Variants in STING1 observed in about 807,000 individuals in gnomAD.
STING1 encodes the protein stimulator of interferon response cGAMP interactor 1, also known as stimulator of interferon genes protein.
A neutral mutation model predicts 31.6 loss-of-function variants in STING1; 19 were observed. The ratio of observed to expected loss-of-function variants is 0.60; its 90% confidence interval spans 0.42 to 0.88. STING1 has a LOEUF of 0.88. STING1 is among the 40% of genes least tolerant of loss of function. The pLI, the probability that STING1 is intolerant of heterozygous loss-of-function variation, is 0.00. For synonymous variants in STING1, 200 were observed against 208.6 expected (o/e 0.96, Z 0.35); for missense variants, 371 against 483.7 (o/e 0.77, Z 2.19).
intron 5 of STING1, 37 bp from the exon 6 acceptor site, chr5:139,478,545 C>T: frequency 6.4e-7 from 1 of 1,574,590 alleles, no homozygotes; most frequent in Non-Finnish European, 8.7e-7. Context: ...TTCCTGCTAA[C>T]CCTATCTCCC....
chr5:139,480,067 G>A (rs116583357), intron 5 of STING1, among the ~76,000 whole-genome samples: 3,514 of 151,024 alleles, frequency 0.023, 58 homozygotes, highest in Non-Finnish European at 0.032. Flanking sequence ...TTGTTATCTC[G>A]GCACTTTGGG....
intron 5 of STING1, among the ~76,000 whole-genome samples, chr5:139,480,003 CAAAAA>C (rs552338116): frequency 2.2e-5 from 2 of 89,018 alleles, no homozygotes; most frequent in African/African-American, 3.9e-5. Context: ...GACTTTGTCT[CAAAAA>C]AAAAAAAAAA....
chr5:139,477,560 G>A (rs374122265), intron 6 of STING1, 45 bp from the exon 7 acceptor site: 112 of 1,583,550 alleles, frequency 7.1e-5, no homozygotes, highest in Non-Finnish European at 8.5e-5. Context: ...GGGGCCAGGC[G>A]GATGGAGAAT....
At position 139,478,440 on chromosome 5, in the gene STING1, G is replaced by T. The variant is rs763892914; in HGVS notation, c.589C>A (p.Arg197=). The T allele has an allele frequency of 5.0e-6, 8 of 1,614,170 alleles. No individual in the cohort carries two copies. Among genetic ancestry groups the T allele is most frequent in the South Asian group, 1.1e-5 (1 of 91,088 alleles). ...TCCAATGGGAGGAGAATATACAGCC[G>T]CTGGCTCACTGCACCCCGTAGCAGG... ...NNLLRGAVSQ[R]LYILLPLDCG... The change falls in exon 6 of 8, where the codon CGG becomes AGG. Residue 197 remains arginine, a synonymous_variant. Transcript: ENST00000330794.
At chr5:139,479,597 G>A (rs1751774243) in intron 5 of STING1, among the ~76,000 whole-genome samples, 1 of 151,506 alleles carries the variant, frequency 6.6e-6, no homozygotes, top group African/African-American at 2.4e-5. Context: ...AGCTACTTGG[G>A]AGGCTAAGGC....
intron 5 of STING1, 99 bp from the exon 6 acceptor site, chr5:139,478,607 C>T (rs1751735817): frequency 2.8e-6 from 3 of 1,058,452 alleles, no homozygotes; most frequent in African/African-American, 1.6e-5. Context: ...TGTGTGGGTG[C>T]CAGAGAATGG....
intron 5 of STING1, among the ~76,000 whole-genome samples, chr5:139,479,756 A>C (rs1751779165): frequency 6.8e-6 from 1 of 146,958 alleles, no homozygotes. Context: ...TAATCCCAGC[A>C]CTTTGGGAGG....
Position 139,482,259 on chromosome 5 carries a change from G to C in STING1, c.-50C>G, listed in dbSNP as rs530638220. The C allele has an allele frequency of 6.6e-6, 1 of 152,486 alleles. No individual in the cohort carries two copies. Among genetic ancestry groups the C allele is most frequent in the South Asian group, 2.1e-4 (1 of 4,824 alleles). 9.4% of individuals were successfully genotyped at this position (152,486 alleles called of 1,614,324 possible). The stretch of plus-strand genomic sequence containing the variant: ...CTCTGGATGATGACGAGGAGAGAAG[G>C]CCCGGCGCTACGAGCAGCCAAGGGC... On this transcript the variant is annotated 5_prime_UTR_variant, in exon 2 of 8. Transcript: ENST00000330794.
rs746690249 is a variant in STING1 at position 139,480,815 on chromosome 5, G to T, written c.495C>A (p.Ile165=). ...VAHGLAWSYY[I]GYLRLILPEL... ...CTGGCAGGATCAGCCGCAGATATCC[G>T]ATGTAATATGACCATGCCAGCCCAT... The change falls in exon 5 of 8, where the codon ATC becomes ATA. Residue 165 remains isoleucine, a synonymous_variant. Coordinates refer to ENST00000330794, the MANE Select transcript of STING1 (RefSeq NM_198282.4). 1 of 1,613,642 alleles carries T rather than the reference G, an allele frequency of 6.2e-7. No individual in the cohort carries two copies. The highest frequency in any genetic ancestry group is 8.5e-7 in the Non-Finnish European group (1 of 1,179,558).
At chr5:139,480,983 C>T in intron 4 of STING1, 85 bp from the exon 5 acceptor site, 1 of 1,241,348 alleles carries the variant, frequency 8.1e-7, no homozygotes, top group Non-Finnish European at 1.2e-6. Context: ...TCCCAACCTG[C>T]TCCTGACTTG....
intron 5 of STING1, 68 bp from the exon 6 acceptor site, chr5:139,478,576 C>G (rs556687367): frequency 7.2e-7 from 1 of 1,382,242 alleles, no homozygotes; most frequent in Admixed American, 1.7e-5. Context: ...GGAGTGAGAC[C>G]CAGGTCATTG....
intron 6 of STING1, 61 bp downstream of exon 6, chr5:139,478,209 G>C (rs776620808): frequency 3.8e-6 from 5 of 1,311,942 alleles, no homozygotes; most frequent in Non-Finnish European, 5.4e-6. Flanking sequence ...TGCTTGGCTA[G>C]GGCCCAGGGT....
chr5:139,477,225 G>A, intron 7 of STING1, 104 bp downstream of exon 7: 2 of 1,224,608 alleles, frequency 1.6e-6, no homozygotes, highest in Non-Finnish European at 2.3e-6. Flanking sequence ...GACAGGCCCA[G>A]GGCATGGTGC....
intron 5 of STING1, among the ~76,000 whole-genome samples, chr5:139,480,133 T>C (rs527875387): frequency 1.3e-5 from 2 of 151,634 alleles, no homozygotes; most frequent in South Asian, 2.1e-4. Flanking sequence ...CTGGGTAACA[T>C]AGCAAAACCC....
chr5:139,476,954 T>C (rs1751679768), intron 7 of STING1, among the ~76,000 whole-genome samples: 2 of 151,226 alleles, frequency 1.3e-5, no homozygotes, highest in African/African-American at 4.9e-5. Context: ...TCCACCCTCT[T>C]ACTTTTAAAG....
chr5:139,476,949 C>A (rs1054180391), intron 7 of STING1, among the ~76,000 whole-genome samples: 3 of 151,792 alleles, frequency 2.0e-5, no homozygotes, highest in Admixed American at 2.0e-4. Context: ...GAAATTCCAC[C>A]CTCTTACTTT....
intron 5 of STING1, among the ~76,000 whole-genome samples, chr5:139,479,561 G>A (rs1051524834): frequency 6.6e-6 from 1 of 151,026 alleles, no homozygotes; most frequent in Non-Finnish European, 1.5e-5. Context: ...AATTAGCCGG[G>A]CGTGGTGGCA....
Position 139,481,047 on chromosome 5 carries a change from T to C in STING1, c.411+112A>G, listed in dbSNP as rs1057258585. 8 of 1,251,474 alleles carry C rather than the reference T, an allele frequency of 6.4e-6. No individual in the cohort carries two copies. The African/African-American group carries it at 1.2e-4, about 19-fold the overall frequency. 77.5% of individuals were successfully genotyped at this position (1,251,474 alleles called of 1,614,324 possible). On this transcript the variant is annotated intron_variant, in intron 4 of 7. Transcript: ENST00000330794. This position sits in a 1 kb window ranked among gnomAD's most constrained non-coding sequence, Gnocchi z 4.1. ...TGTTCCAGGACATTATAGGTTCTAC[T>C]CCATGGACTCCAGCCTTTAAACCAG...
intron 5 of STING1, 21 bp downstream of exon 5, chr5:139,480,769 G>C (rs371726426): frequency 6.7e-7 from 1 of 1,492,884 alleles, no homozygotes; most frequent in Non-Finnish European, 9.4e-7. Context: ...TCGAGAAATG[G>C]GGGCAGAGAG....
Sources: allele counts gnomAD v4.1 joint callset (sites outside exome capture counted in the v4.1 genomes callset), GRCh38; gene constraint gnomAD v4.1.1; non-coding constraint Gnocchi (gnomAD v3.1); transcripts MANE v1.5; gene names NCBI Gene and HGNC (gene_info 2026-07-23, HGNC 2026-07-21).